Variants in PDE11A observed in about 807,000 individuals in gnomAD.
The protein encoded by PDE11A is phosphodiesterase 11A.
In PDE11A, 100 loss-of-function variants were observed where a neutral mutation model predicts 100.5. That is an observed-to-expected ratio of 1.00 (90% CI 0.85 to 1.18). The LOEUF (loss-of-function observed/expected upper bound fraction) is 1.18, where lower values mean the gene tolerates loss of function less well. Ranked by LOEUF, PDE11A falls within the 50% of genes most tolerant of loss-of-function variation. The pLI is 0.00. For synonymous variants in PDE11A, 381 were observed against 420.8 expected, an observed-to-expected ratio of 0.91 and a Z score of 1.16; for missense variants, 1,141 against 1,152.6, an observed-to-expected ratio of 0.99 and a Z score of 0.15.
intron 10 of PDE11A, among the ~76,000 whole-genome samples, chr2:177,733,390 T>C (rs894982563): frequency 1.3e-5 from 2 of 152,242 alleles, no homozygotes; most frequent in Admixed American, 6.5e-5. Context: ...AAGCACCTGA[T>C]ATCCTTTGAC....
At chr2:177,911,522 C>T (rs2084880506) in intron 2 of PDE11A, among the ~76,000 whole-genome samples, 1 of 152,076 alleles carries the variant, frequency 6.6e-6, no homozygotes. Context: ...CTTTTTCCAC[C>T]AGTGTTCCGC....
chr2:178,056,794 A>G (rs1214826882), intron 1 of PDE11A, among the ~76,000 whole-genome samples: 2 of 152,158 alleles, frequency 1.3e-5, no homozygotes, highest in Non-Finnish European at 2.9e-5. Context: ...TTATTTTCAT[A>G]TTATATCAGT....
At chr2:177,930,808 C>T (rs2085195298) in intron 2 of PDE11A, among the ~76,000 whole-genome samples, 1 of 152,208 alleles carries the variant, frequency 6.6e-6, no homozygotes, top group African/African-American at 2.4e-5. Context: ...CTGATTAACA[C>T]ACCCTGAATC....
chr2:177,985,370 G>A (rs2085928412), intron 2 of PDE11A, among the ~76,000 whole-genome samples: 1 of 152,108 alleles, frequency 6.6e-6, no homozygotes, highest in Non-Finnish European at 1.5e-5. Flanking sequence ...CCTCATTGAA[G>A]GATTGACACA....
intron 1 of PDE11A, among the ~76,000 whole-genome samples, chr2:178,019,574 A>G (rs991917508): frequency 6.6e-6 from 1 of 152,230 alleles, no homozygotes; most frequent in Non-Finnish European, 1.5e-5. Flanking sequence ...ATAAACCTAG[A>G]TGGCTTATTC....
rs189808854 is a variant in PDE11A at position 177,957,647 on chromosome 2, C to G, written c.1072-52460G>C. On this transcript the variant is annotated intron_variant, in intron 2 of 19. Transcript: ENST00000286063. ...GAGATAAGAGATGGAGGCCCTCTCTCTTGTCACACTCAAAGGTGCCAGAGG... is the reference window on the plus strand; with the variant it reads ...GAGATAAGAGATGGAGGCCCTCTCTGTTGTCACACTCAAAGGTGCCAGAGG... Among the ~76,000 whole-genome samples the G allele has an allele frequency of 5.3e-3, 803 of 152,294 alleles. 6 individuals are homozygous for G. The highest frequency in any genetic ancestry group is 0.018 in the African/African-American group (743 of 41,570).
At chr2:177,681,457 G>GCTTGCTGTAAAA (rs58944470) in intron 15 of PDE11A, among the ~76,000 whole-genome samples, 2 of 152,060 alleles carry the variant, frequency 1.3e-5, no homozygotes, top group Non-Finnish European at 2.9e-5. Context: ...TCAGCAACTC[G>GCTTGCTGTAAAA]CTTTGGAAAG....
intron 2 of PDE11A, among the ~76,000 whole-genome samples, chr2:177,941,944 G>T (rs1234909550): frequency 6.6e-6 from 1 of 152,216 alleles, no homozygotes; most frequent in East Asian, 1.9e-4. Context: ...CCATCTAGTT[G>T]AGATAAGCTC....
intron 10 of PDE11A, among the ~76,000 whole-genome samples, chr2:177,740,442 G>C (rs2081855887): frequency 6.6e-6 from 1 of 152,192 alleles, no homozygotes; most frequent in Admixed American, 6.5e-5. Flanking sequence ...ATTGTGCTAA[G>C]TGCTTTATAG....
At chr2:177,893,241 AG>A (rs1558994930) in intron 4 of PDE11A, among the ~76,000 whole-genome samples, 1 of 152,138 alleles carries the variant, frequency 6.6e-6, no homozygotes, top group East Asian at 1.9e-4. Context: ...TTTAGGAAAA[AG>A]TTTTGGTTTT....
At chr2:178,025,323 A>T (rs1008706562) in intron 1 of PDE11A, among the ~76,000 whole-genome samples, 1 of 152,222 alleles carries the variant, frequency 6.6e-6, no homozygotes, top group Non-Finnish European at 1.5e-5. Flanking sequence ...AGTCTTTCAA[A>T]TAGAATTGGT....
chr2:178,102,249 C>T (rs2105889259), intron 2 of PDE11A, among the ~76,000 whole-genome samples: 1 of 152,122 alleles, frequency 6.6e-6, no homozygotes, highest in South Asian at 2.1e-4. Flanking sequence ...GCCTCAGCCT[C>T]CCAAGTAGCT....
intron 16 of PDE11A, among the ~76,000 whole-genome samples, chr2:177,678,395 G>T (rs1212721229): frequency 6.6e-6 from 1 of 152,070 alleles, no homozygotes; most frequent in African/African-American, 2.4e-5. Flanking sequence ...GCAAAGAAAG[G>T]ATAAATAATA....
chr2:177,994,853 G>A (rs1308718608), intron 2 of PDE11A, among the ~76,000 whole-genome samples: 1 of 150,422 alleles, frequency 6.6e-6, no homozygotes, highest in Non-Finnish European at 1.5e-5. Context: ...AGCATAAGGG[G>A]ATATTTACAT....
intron 2 of PDE11A, among the ~76,000 whole-genome samples, chr2:177,913,621 G>C (rs2084912986): frequency 6.6e-6 from 1 of 152,100 alleles, no homozygotes; most frequent in South Asian, 2.1e-4. Context: ...TTTTAGGGTT[G>C]TTTGTAAACA....
intron 9 of PDE11A, among the ~76,000 whole-genome samples, chr2:177,814,619 C>T (rs1050295508): frequency 6.6e-6 from 1 of 152,200 alleles, no homozygotes; most frequent in Non-Finnish European, 1.5e-5. Flanking sequence ...GCCTATAAGT[C>T]AACTTCTTGA....
intron 12 of PDE11A, among the ~76,000 whole-genome samples, chr2:177,721,111 A>C (rs370697308): frequency 6.6e-6 from 1 of 152,154 alleles, no homozygotes; most frequent in African/African-American, 2.4e-5. Context: ...CTAAGGCTTA[A>C]TTTTTAACCT....
chr2:178,082,843 T>C (rs1467175030), intron 2 of PDE11A, among the ~76,000 whole-genome samples: 1 of 152,124 alleles, frequency 6.6e-6, no homozygotes, highest in Non-Finnish European at 1.5e-5. Context: ...GACTGGTTGT[T>C]ATCAGTGAAA....
rs148429755 is a variant in PDE11A, at chr2:177,744,950, G to T, written c.1789-16778C>A. On this transcript the variant is annotated intron_variant, in intron 10 of 19. Transcript: ENST00000286063. ...GAATCCTGGATGAAGGAGCAACAGA[G>T]CCACAGCCAACCCATCGCTCAAATA... 2.2e-4 allele frequency among the ~76,000 whole-genome samples: 34 copies of T among 152,314 alleles called. No individual in the cohort carries two copies. The East Asian group carries it at 6.4e-3, about 28-fold the overall frequency.
Sources: allele counts gnomAD v4.1 joint callset (sites outside exome capture counted in the v4.1 genomes callset), GRCh38; gene constraint gnomAD v4.1.1; transcripts MANE v1.5; gene names NCBI Gene and HGNC (gene_info 2026-07-23, HGNC 2026-07-21).